Variants in POU6F1 observed in about 807,000 individuals in gnomAD.
The protein encoded by POU6F1 is POU domain, class 6, transcription factor 1.
A neutral mutation model predicts 28.9 loss-of-function variants in POU6F1; 9 were observed. That is an observed-to-expected ratio of 0.31 (90% confidence interval 0.19 to 0.54). The LOEUF is 0.54. Among genes scored for constraint, POU6F1 ranks in the 20% least tolerant of loss-of-function variants. The pLI is 0.94. For missense variants in POU6F1, 338 were observed against 426.1 expected (o/e 0.79, Z 1.82); for synonymous variants, 173 against 171.1 (o/e 1.01, Z -0.09).
chr12:51,210,201 A>G (rs1565633202), intron 1 of POU6F1, among the ~76,000 whole-genome samples: 1 of 152,130 alleles, frequency 6.6e-6, no homozygotes, highest in Non-Finnish European at 1.5e-5. Context: ...GATTTTGTAC[A>G]TGGTAGTCTT....
At chr12:51,205,534 T>C (rs1236718381) in intron 2 of POU6F1, among the ~76,000 whole-genome samples, 1 of 152,186 alleles carries the variant, frequency 6.6e-6, no homozygotes, top group Non-Finnish European at 1.5e-5. Flanking sequence ...ACCCTGCCAA[T>C]TGGGCCATTC....
intron 2 of POU6F1, among the ~76,000 whole-genome samples, chr12:51,205,850 G>T (rs1006300975): frequency 7.4e-6 from 1 of 134,310 alleles, no homozygotes; most frequent in Non-Finnish European, 1.5e-5. Flanking sequence ...ACAGAGTCTC[G>T]CCCTGTCACC....
At chr12:51,198,078 G>A (rs563141596) in intron 5 of POU6F1, 55 bp from the exon 6 acceptor site, 21 of 398,910 alleles carry the variant, frequency 5.3e-5, no homozygotes, top group Non-Finnish European at 8.0e-5. Context: ...TGCTCACAGC[G>A]GCTCCAATCC....
chr12:51,191,744 C>T lies in POU6F1; in HGVS notation c.1342G>A (p.Asp448Asn), dbSNP rs1942430025. The T allele has an allele frequency of 1.2e-6, 2 of 1,614,098 alleles. No individual in the cohort carries two copies. Among genetic ancestry groups the T allele is most frequent in the East Asian group, 2.2e-5 (1 of 44,902 alleles). Reference sequence around the variant, plus strand: ...TCTTCTAAGTTGATCCCATCCTCATCCAGACTTGGAGTATGTGGCTCTAGG... The same window carrying T: ...TCTTCTAAGTTGATCCCATCCTCATTCAGACTTGGAGTATGTGGCTCTAGG... ...LVSKPHTPSL[D>N]EDGINLEEIR... The change falls in exon 10 of 11, where the codon GAT becomes AAT. Residue 448 changes from aspartate (D) to asparagine (N), a missense_variant. This residue lies in a region of POU6F1 where 206 missense variants were observed against 225.6 expected (regional missense o/e 0.91). Coordinates refer to ENST00000333640, the MANE Select transcript of POU6F1 (RefSeq NM_001330422.2).
intron 10 of POU6F1, among the ~76,000 whole-genome samples, chr12:51,191,173 A>C (rs1385749785): frequency 6.6e-6 from 1 of 152,210 alleles, no homozygotes; most frequent in African/African-American, 2.4e-5. Flanking sequence ...GCTTACAGAA[A>C]ACTCAGCTAT....
intron 1 of POU6F1, among the ~76,000 whole-genome samples, chr12:51,214,145 A>AAAAT (rs1944168086): frequency 6.6e-6 from 1 of 152,040 alleles, no homozygotes; most frequent in African/African-American, 2.4e-5. Context: ...CTATGTCAAA[A>AAAAT]AAATAAATAA....
At chr12:51,208,010 C>A (rs1291862873) in intron 1 of POU6F1, among the ~76,000 whole-genome samples, 2 of 151,960 alleles carry the variant, frequency 1.3e-5, no homozygotes, top group Non-Finnish European at 2.9e-5. Context: ...CAGAGGCTCA[C>A]GCCTGTAATC....
At chr12:51,213,437 C>A (rs1186702844) in intron 1 of POU6F1, among the ~76,000 whole-genome samples, 1 of 152,104 alleles carries the variant, frequency 6.6e-6, no homozygotes, top group Non-Finnish European at 1.5e-5. Flanking sequence ...TGGTTTCCAA[C>A]TCCTGGGCTC....
At chr12:51,215,123 A>C (rs1050114165) in intron 1 of POU6F1, among the ~76,000 whole-genome samples, 4 of 152,166 alleles carry the variant, frequency 2.6e-5, no homozygotes, top group African/African-American at 9.7e-5. Flanking sequence ...GGCTGAAAAC[A>C]ATTGAAGATA....
intron 1 of POU6F1, among the ~76,000 whole-genome samples, chr12:51,207,931 T>C (rs1168715580): frequency 1.3e-5 from 2 of 152,058 alleles, no homozygotes; most frequent in Admixed American, 1.3e-4. Flanking sequence ...GAAGCCCTCA[T>C]GTGAGGACAG....
At chr12:51,194,714 C>G (rs1428019576) in intron 8 of POU6F1, among the ~76,000 whole-genome samples, 1 of 151,412 alleles carries the variant, frequency 6.6e-6, no homozygotes, top group Admixed American at 6.6e-5. Flanking sequence ...CAGTTCCCTA[C>G]TACCTTACCT....
At chr12:51,197,421 G>C (rs1037663396) in intron 6 of POU6F1, among the ~76,000 whole-genome samples, 1 of 152,172 alleles carries the variant, frequency 6.6e-6, no homozygotes, top group Non-Finnish European at 1.5e-5. Flanking sequence ...CAAGCCAGGA[G>C]CTACACTGGA....
At chr12:51,194,609 C>T (rs957439375) in intron 8 of POU6F1, among the ~76,000 whole-genome samples, 48 of 148,112 alleles carry the variant, frequency 3.2e-4, no homozygotes, top group Middle Eastern at 3.5e-3. Flanking sequence ...CACTGCACAC[C>T]AGCCTGGGCA....
chr12:51,206,863 C>A lies in POU6F1; in HGVS notation c.-27G>T. The A allele has an allele frequency of 2.5e-6, 1 of 398,692 alleles. No homozygotes were observed. Among genetic ancestry groups the A allele is most frequent in the Non-Finnish European group, 4.4e-6 (1 of 226,008 alleles). The allele number at this position is 398,692 out of a possible 1,614,324, so 24.7% of individuals were successfully genotyped here. On this transcript the variant is annotated 5_prime_UTR_variant, in exon 2 of 11. Transcript: ENST00000333640. ...GTCACTTGTCAGGGTCGGGTGGGGGCCGGCCCACACCTAGCACATCCTGGG... is the reference window on the plus strand; with the variant it reads ...GTCACTTGTCAGGGTCGGGTGGGGGACGGCCCACACCTAGCACATCCTGGG...
At chr12:51,215,609 G>A (rs1944248287) in intron 1 of POU6F1, among the ~76,000 whole-genome samples, 1 of 149,700 alleles carries the variant, frequency 6.7e-6, no homozygotes, top group Admixed American at 6.7e-5. Flanking sequence ...ATTGGGTTCT[G>A]GAGAACCCAG....
intron 7 of POU6F1, 81 bp downstream of exon 7, chr12:51,196,718 C>G (rs1216337614): frequency 6.5e-6 from 10 of 1,529,950 alleles, no homozygotes; most frequent in Non-Finnish European, 8.1e-6. Flanking sequence ...TTTCTATGAC[C>G]CACAGCCCAA....
Position 51,198,613 on chromosome 12 carries a change from G to A in POU6F1, c.529C>T (p.Pro177Ser), listed in dbSNP as rs752199228. ...GTAGGAGAAGCAGCGGTCAGTCCTG[G>A]GAGGGCAGCCACAGTTGCTGTAGGA... ...TIPTATVAAL[P>S]GLTAASPTGG... The change falls in exon 5 of 11, where the codon CCA becomes TCA. Residue 177 changes from proline to serine, a missense_variant. Physicochemically the swap from Pro to Ser is moderately conservative, Grantham distance 74 (BLOSUM62 -1). Coordinates refer to ENST00000333640, the MANE Select transcript of POU6F1 (RefSeq NM_001330422.2). 9 of 399,238 alleles carry A rather than the reference G, an allele frequency of 2.3e-5. No individual in the cohort carries two copies. The highest frequency in any genetic ancestry group is 3.5e-5 in the Non-Finnish European group (8 of 226,340). 24.7% of individuals were successfully genotyped at this position (399,238 alleles called of 1,614,324 possible).
At chr12:51,194,403 G>C (rs1268212282) in intron 8 of POU6F1, among the ~76,000 whole-genome samples, 2 of 152,146 alleles carry the variant, frequency 1.3e-5, no homozygotes, top group Non-Finnish European at 2.9e-5. Context: ...CACTTTGGGA[G>C]GCTGAGGTGG....
At chr12:51,200,036 G>A (rs1943108070) in intron 3 of POU6F1, among the ~76,000 whole-genome samples, 168 bp from the exon 4 acceptor site, 1 of 152,174 alleles carries the variant, frequency 6.6e-6, no homozygotes, top group African/African-American at 2.4e-5. Flanking sequence ...CCTGGCCCAT[G>A]AGGCAGCTTC....
Sources: gnomAD v4.1 joint callset for allele counts (sites outside exome capture counted in the v4.1 genomes callset) on GRCh38, gnomAD v4.1.1 for gene constraint, gnomAD v4.1.1 regional missense constraint, MANE v1.5 for transcripts, NCBI Gene and HGNC (gene_info 2026-07-23, HGNC 2026-07-21) for gene names.